The following CPNE7 variants were observed in gnomAD, a reference collection of about 807,000 sequenced individuals.
CPNE7 encodes the protein copine-7.
In CPNE7, 78 loss-of-function variants were observed where a neutral mutation model predicts 66.5. The observed-to-expected ratio is 1.17, with a 90% CI of 0.98 to 1.42. The LOEUF is 1.42. Ranked by LOEUF, CPNE7 falls within the 40% of genes most tolerant of loss-of-function variation. The pLI is 0.00. For synonymous variants in CPNE7, 468 were observed against 336.7 expected (o/e 1.39, Z -4.27); for missense variants, 1,012 against 776.6 (o/e 1.30, Z -3.60).
intron 13 of CPNE7, among the ~76,000 whole-genome samples, chr16:89,593,449 T>C (rs1289776317): frequency 6.6e-6 from 1 of 151,492 alleles, no homozygotes; most frequent in Non-Finnish European, 1.5e-5. Context: ...GCCTCCCGGG[T>C]TCACGCCATT....
chr16:89,587,295 T>A (rs28483009), intron 9 of CPNE7, among the ~76,000 whole-genome samples, 193 bp downstream of exon 9: 2 of 184 alleles, frequency 0.011, 1 homozygote, highest in Non-Finnish European at 0.059. Flanking sequence ...CCCCTCAGTC[T>A]GTGGCCCCGC....
intron 9 of CPNE7, among the ~76,000 whole-genome samples, chr16:89,588,240 C>CCCACAGATACACGGCCCCCGTGTCAG (rs2059114220): frequency 1.3e-5 from 2 of 149,182 alleles, no homozygotes; most frequent in Non-Finnish European, 3.0e-5. Context: ...CCCCGTGTCA[C>CCCACAGATACACGGCCCCCGTGTCAG]CCGCGTGTTA....
intron 13 of CPNE7, chr16:89,594,051 A>G (rs896088581): frequency 1.3e-5 from 2 of 152,194 alleles, no homozygotes; most frequent in Admixed American, 6.5e-5. Context: ...TACCCGTGAC[A>G]TGGTTTTCTG....
At chr16:89,576,652 C>T (rs891244162) in intron 1 of CPNE7, among the ~76,000 whole-genome samples, 6 of 152,200 alleles carry the variant, frequency 3.9e-5, no homozygotes, top group Non-Finnish European at 4.4e-5. Context: ...GTGGCTTCAC[C>T]TCGAAAGGGC....
rs2059056655 is a variant in CPNE7, at chr16:89,587,119, GCCCCATGCCGC to G, written c.927+22_927+32del. 1 of 1,376,202 alleles carries G rather than the reference GCCCCATGCCGC, an allele frequency of 7.3e-7. No individual in the cohort carries two copies. Among genetic ancestry groups the G allele is most frequent in the Admixed American group, 2.3e-5 (1 of 42,676 alleles). The allele number at this position is 1,376,202 out of a possible 1,614,324, so 85.2% of individuals were successfully genotyped here. ...CACTTCACCGTGAGTCCATGGCCCCGCCCCATGCCGCCCCCTCAGTCCGTGGCCCCGCCCCG... is the reference window on the plus strand; with the variant it reads ...CACTTCACCGTGAGTCCATGGCCCCGCCCCTCAGTCCGTGGCCCCGCCCCG... On this transcript the variant is annotated intron_variant, in intron 9 of 14. Coordinates refer to ENST00000319518, the MANE Select transcript of CPNE7 (RefSeq NM_153636.3).
intron 2 of CPNE7, 90 bp from the exon 3 acceptor site, chr16:89,583,607 C>T: frequency 1.2e-6 from 2 of 1,606,606 alleles, no homozygotes; most frequent in South Asian, 1.1e-5. Flanking sequence ...ACAGGACAGG[C>T]CTGAGAGTCC....
At chr16:89,579,483 C>T (rs1000186637) in intron 2 of CPNE7, among the ~76,000 whole-genome samples, 1 of 148,348 alleles carries the variant, frequency 6.7e-6, no homozygotes, top group East Asian at 2.0e-4. Flanking sequence ...ACGGAACATC[C>T]GATCACCCGT....
intron 9 of CPNE7, among the ~76,000 whole-genome samples, 173 bp downstream of exon 9, chr16:89,587,275 CCAT>C (rs2151442482): frequency 2.1e-4 from 1 of 4,854 alleles, no homozygotes; most frequent in South Asian, 4.9e-3. Context: ...GTGGCCCCGC[CCAT>C]CCCCGCCCCC....
chr16:89,579,305 T>C (rs527830781), intron 2 of CPNE7, among the ~76,000 whole-genome samples: 1 of 150,318 alleles, frequency 6.7e-6, no homozygotes, highest in African/African-American at 2.5e-5. Context: ...AAAAAAAAAA[T>C]TTTACGATAA....
chr16:89,577,292 C>T (rs184351861), intron 1 of CPNE7, among the ~76,000 whole-genome samples: 1 of 152,304 alleles, frequency 6.6e-6, no homozygotes, highest in Admixed American at 6.5e-5. Flanking sequence ...GTGTCATTCT[C>T]GTCCTCTGTG....
chr16:89,577,905 A>G (rs2058885918), intron 2 of CPNE7, among the ~76,000 whole-genome samples, 184 bp downstream of exon 2: 1 of 152,144 alleles, frequency 6.6e-6, no homozygotes, highest in African/African-American at 2.4e-5. Context: ...GAACTGGGTA[A>G]TACATTCGTA....
chr16:89,584,326 C>T lies in CPNE7; in HGVS notation c.507+224C>T, dbSNP rs778655237. ...AGCTGGGCTGGGGCTGGGGCAGCTC[C>T]CTCCTGTGGGGACCACTCATGACCC... On this transcript the variant is annotated intron_variant, in intron 4 of 14. Coordinates refer to ENST00000319518, the MANE Select transcript of CPNE7 (RefSeq NM_153636.3). The surrounding 1 kb of genome is among the most constrained non-coding windows in gnomAD (Gnocchi z 6.0). Among the ~76,000 whole-genome samples the T allele has an allele frequency of 1.3e-3, 193 of 152,230 alleles. No homozygotes were observed. The highest frequency in any genetic ancestry group is 2.3e-3 in the Non-Finnish European group (155 of 68,030).
Position 89,584,125 on chromosome 16 carries a change from C to A in CPNE7, c.507+23C>A. On this transcript the variant is annotated intron_variant, in intron 4 of 14. Transcript: ENST00000319518. This position sits in a 1 kb window ranked among gnomAD's most constrained non-coding sequence, Gnocchi z 6.0. Reference sequence around the variant, plus strand: ...AAGGTGAGTGCAGGTGCCGGGCACGCCTGGCTCAGGCTGAGGTCCGGGAAC... The same window carrying A: ...AAGGTGAGTGCAGGTGCCGGGCACGACTGGCTCAGGCTGAGGTCCGGGAAC... 6.3e-7 allele frequency: 1 copy of A among 1,599,696 alleles called. No individual in the cohort carries two copies. Among genetic ancestry groups the A allele is most frequent in the Non-Finnish European group, 8.5e-7 (1 of 1,174,690 alleles).
intron 2 of CPNE7, 119 bp from the exon 3 acceptor site, chr16:89,583,578 C>G: frequency 6.2e-7 from 1 of 1,602,412 alleles, no homozygotes; most frequent in Non-Finnish European, 8.5e-7. Context: ...CAGTGAAGCT[C>G]ATGGTGGGGG....
Position 89,577,589 on chromosome 16 carries a change from G to T in CPNE7, c.225G>T (p.Lys75Asn). The change falls in exon 2 of 15, where the codon AAG becomes AAT. Residue 75 changes from lysine to asparagine, a missense_variant. Lys to Asn is a moderately conservative substitution (Grantham distance 94). Coordinates refer to ENST00000319518, the MANE Select transcript of CPNE7 (RefSeq NM_153636.3). Reference protein sequence around the residue: ...VRSSLHPVFSKVFTVDYYFEE... With the variant: ...VRSSLHPVFSNVFTVDYYFEE... ...GCAGCCTGCATCCCGTGTTCTCCAA[G>T]GTCTTCACGGTGGACTACTACTTCG... 6.4e-7 allele frequency: 1 copy of T among 1,554,766 alleles called. No individual in the cohort carries two copies. Among genetic ancestry groups the T allele is most frequent in the Non-Finnish European group, 8.7e-7 (1 of 1,148,574 alleles).
chr16:89,596,342 C>A, intron 14 of CPNE7, 142 bp from the exon 15 acceptor site: 1 of 1,161,868 alleles, frequency 8.6e-7, no homozygotes, highest in South Asian at 1.6e-5. Flanking sequence ...AAGTCTTGCC[C>A]GGCACCCAGG....
intron 9 of CPNE7, 101 bp from the exon 10 acceptor site, chr16:89,588,572 TGA>T: frequency 6.8e-7 from 1 of 1,475,802 alleles, no homozygotes; most frequent in Non-Finnish European, 9.2e-7. Context: ...ACGCGACCCC[TGA>T]CCCTGAGTCC....
chr16:89,583,543 C>T (rs767096846), intron 2 of CPNE7, 154 bp from the exon 3 acceptor site: 4 of 1,578,814 alleles, frequency 2.5e-6, no homozygotes, highest in Non-Finnish European at 3.4e-6. Context: ...TTGAGAGCAG[C>T]CACAAAGGGG....
chr16:89,587,452 T>C (rs2059072592), intron 9 of CPNE7: 1 of 415,648 alleles, frequency 2.4e-6, no homozygotes. Context: ...TCCTCCCTTT[T>C]GCGCAGGCGA....
Sources: allele counts gnomAD v4.1 joint callset (sites outside exome capture counted in the v4.1 genomes callset), GRCh38; gene constraint gnomAD v4.1.1; non-coding constraint Gnocchi (gnomAD v3.1); transcripts MANE v1.5; gene names NCBI Gene and HGNC (gene_info 2026-07-23, HGNC 2026-07-21).